Variants in ODAD2 observed in about 807,000 individuals in gnomAD.
ODAD2 encodes outer dynein arm docking complex subunit 2.
A neutral mutation model predicts 106.8 loss-of-function variants in ODAD2; 89 were observed. The ratio of observed to expected loss-of-function variants is 0.83; its 90% CI spans 0.70 to 0.99. The LOEUF (loss-of-function observed/expected upper bound fraction) is 0.99. ODAD2 is among the 50% of genes least tolerant of loss of function. The probability of loss-of-function intolerance (pLI) is 0.00; values close to 1 mark genes in which losing one functional copy is unlikely to be tolerated. For missense variants in ODAD2, 1,168 were observed against 1,238.5 expected (o/e 0.94, Z 0.85); for synonymous variants, 404 against 436.2 (o/e 0.93, Z 0.92).
Position 27,961,611 on chromosome 10 carries a change from G to A in ODAD2, c.1343C>T (p.Pro448Leu), listed in dbSNP as rs1477038145. 1.9e-6 allele frequency: 3 copies of A among 1,612,384 alleles called. No individual in the cohort carries two copies. The highest frequency in any genetic ancestry group is 2.2e-5 in the South Asian group (2 of 90,896). ...DHRQEASADLPSEYWQIQKLV... is the reference protein window; with the variant it reads ...DHRQEASADLLSEYWQIQKLV... The stretch of plus-strand genomic sequence containing the variant: ...CTTCTGAATTTGCCAATATTCTGAT[G>A]GCAAATCTGCACTTGCTTCCTGACG... Residue 448 changes from proline (P) to leucine (L), a missense_variant, in exon 10 of 20, where the codon CCA becomes CTA. Coordinates refer to ENST00000305242, the MANE Select transcript of ODAD2 (RefSeq NM_018076.5).
At chr10:27,921,415 T>C (rs73604100) in intron 16 of ODAD2, among the ~76,000 whole-genome samples, 2,570 of 152,154 alleles carry the variant, frequency 0.017, 58 homozygotes, top group African/African-American at 0.05. Flanking sequence ...ATGGAAAATT[T>C]AGAGCATTAG....
intron 7 of ODAD2, among the ~76,000 whole-genome samples, chr10:27,977,074 C>G (rs1849238022): frequency 6.6e-6 from 1 of 151,824 alleles, no homozygotes; most frequent in Non-Finnish European, 1.5e-5. Context: ...AACTCATATA[C>G]ACAAACCAAA....
Position 27,940,670 on chromosome 10 carries a change from C to A in ODAD2, c.1879G>T (p.Ala627Ser). 1 of 1,614,094 alleles carries A rather than the reference C, an allele frequency of 6.2e-7. No individual in the cohort carries two copies. The highest frequency in any genetic ancestry group is 8.5e-7 in the Non-Finnish European group (1 of 1,180,002). ...SCSKSHTNKE[A>S]IRKAGGIPLL... ...GGAATGCCCCCAGCTTTGCGGATGG[C>A]TTCTTTATTCGTATGACTCTTACTG... The change falls in exon 13 of 20, where the codon GCC becomes TCC. Residue 627 changes from alanine to serine, a missense_variant. Transcript: ENST00000305242.
intron 19 of ODAD2, among the ~76,000 whole-genome samples, chr10:27,826,544 A>C (rs944859418): frequency 6.6e-6 from 1 of 151,932 alleles, no homozygotes; most frequent in African/African-American, 2.4e-5. Flanking sequence ...AAATCACGAA[A>C]AGGGAAGTGG....
At chr10:27,907,090 A>G (rs1843653863) in intron 17 of ODAD2, among the ~76,000 whole-genome samples, 1 of 152,216 alleles carries the variant, frequency 6.6e-6, no homozygotes, top group Non-Finnish European at 1.5e-5. Context: ...TATAGAAAAA[A>G]TGTTAAGAGA....
chr10:27,838,653 A>AT (rs1345985377), intron 19 of ODAD2, among the ~76,000 whole-genome samples: 1 of 152,246 alleles, frequency 6.6e-6, no homozygotes, highest in East Asian at 1.9e-4. Context: ...ACTGCTCTCT[A>AT]TAGCATCTGC....
chr10:27,899,420 G>GT (rs1843050128), intron 17 of ODAD2, among the ~76,000 whole-genome samples: 1 of 151,330 alleles, frequency 6.6e-6, no homozygotes, highest in Non-Finnish European at 1.5e-5. Flanking sequence ...CTGCAGGAGT[G>GT]TTTTTTTCAT....
intron 17 of ODAD2, among the ~76,000 whole-genome samples, chr10:27,878,108 T>TA (rs1405200519): frequency 3.3e-5 from 5 of 152,122 alleles, no homozygotes; most frequent in South Asian, 4.1e-4. Context: ...TTAGTAATTT[T>TA]AAAAAAAGAT....
intron 17 of ODAD2, among the ~76,000 whole-genome samples, chr10:27,907,086 A>G (rs1391171021): frequency 6.6e-6 from 1 of 152,222 alleles, no homozygotes; most frequent in Non-Finnish European, 1.5e-5. Flanking sequence ...AACCTATAGA[A>G]AAAATGTTAA....
intron 19 of ODAD2, among the ~76,000 whole-genome samples, chr10:27,849,945 C>A (rs1291742233): frequency 6.6e-6 from 1 of 152,210 alleles, no homozygotes; most frequent in Non-Finnish European, 1.5e-5. Context: ...AACCACCCAG[C>A]AAGAGCTCTG....
At position 27,814,485 on chromosome 10, in the gene ODAD2, A is replaced by G. The variant is rs144091074; in HGVS notation, c.3022-1860T>C. On this transcript the variant is annotated intron_variant, in intron 19 of 19. Transcript: ENST00000305242. ...TGCCCTCTCAGTTCCTTGGCCTGCC[A>G]TTGTCACTGATCTTCACACTTCAGC... Among the ~76,000 whole-genome samples the G allele has an allele frequency of 4.0e-3, 611 of 152,292 alleles. 4 individuals are homozygous for G. The highest frequency in any genetic ancestry group is 0.012 in the South Asian group (60 of 4,830).
chr10:27,994,777 G>T, intron 2 of ODAD2, 142 bp downstream of exon 2: 1 of 825,788 alleles, frequency 1.2e-6, no homozygotes, highest in Non-Finnish European at 1.9e-6. Flanking sequence ...GACTTCACCT[G>T]TGTGTCTCTG....
rs371752746 is a variant in ODAD2 at position 27,941,596 on chromosome 10, GT to G, written c.1744-792del. Among the ~76,000 whole-genome samples, 981 of 114,892 alleles carry G rather than the reference GT, an allele frequency of 8.5e-3. 5 individuals are homozygous for G. The highest frequency in any genetic ancestry group is 0.054 in the East Asian group (196 of 3,614). The allele number at this position is 114,892 out of a possible 152,430, so 75.4% of individuals were successfully genotyped here. On this transcript the variant is annotated intron_variant, in intron 12 of 19. Transcript: ENST00000305242. ...CAAACAGCACAACTGCCAGCATCCA[GT>G]TTTTTTTTTTTTTTTTTTTGCAATA...
chr10:27,952,445 T>C (rs896871137), intron 10 of ODAD2, among the ~76,000 whole-genome samples: 9 of 152,132 alleles, frequency 5.9e-5, no homozygotes, highest in Admixed American at 4.6e-4. Context: ...ACGTGCAGGT[T>C]TGTTACATAG....
At chr10:27,945,038 C>T (rs1846793266) in intron 10 of ODAD2, 76 bp from the exon 11 acceptor site, 4 of 1,537,920 alleles carry the variant, frequency 2.6e-6, no homozygotes, top group African/African-American at 1.4e-5. Flanking sequence ...GTTACGAATC[C>T]ATGAACTGGA....
chr10:27,906,359 C>A (rs1279056491), intron 17 of ODAD2, among the ~76,000 whole-genome samples: 1 of 152,166 alleles, frequency 6.6e-6, no homozygotes. Context: ...AGTCAGGAAA[C>A]AACAGATGCT....
In ODAD2 at chr10:27,951,785, A is replaced by C. The variant is rs1033624554; in HGVS notation, c.1387-6823T>G. Among the ~76,000 whole-genome samples, 10 of 152,242 alleles carry C rather than the reference A, an allele frequency of 6.6e-5. No homozygotes were observed. In the East Asian group the frequency reaches 1.7e-3, roughly 26 times the overall value. On this transcript the variant is annotated intron_variant, in intron 10 of 19. Transcript: ENST00000305242. ...TTAATGTACAAAAGAGTAGACAAAA[A>C]GACATCCAGCTGGACACAGTGGCTC...
chr10:27,875,118 C>T (rs1392697451), intron 17 of ODAD2, among the ~76,000 whole-genome samples: 1 of 152,218 alleles, frequency 6.6e-6, no homozygotes, highest in Non-Finnish European at 1.5e-5. Context: ...TCTTCAATCA[C>T]TGATACCCTT....
At chr10:27,952,575 G>A (rs1847432543) in intron 10 of ODAD2, among the ~76,000 whole-genome samples, 1 of 152,060 alleles carries the variant, frequency 6.6e-6, no homozygotes, top group South Asian at 2.1e-4. Flanking sequence ...AGGCCCTGGT[G>A]TGTGTTGTTA....
Sources: gnomAD v4.1 joint callset for allele counts (sites outside exome capture counted in the v4.1 genomes callset) on GRCh38, gnomAD v4.1.1 for gene constraint, MANE v1.5 for transcripts, NCBI Gene and HGNC (gene_info 2026-07-23, HGNC 2026-07-21) for gene names.